Variants in MMP20 observed in about 807,000 individuals in gnomAD.
The protein encoded by MMP20 is matrix metalloproteinase-20.
A neutral mutation model predicts 51.8 loss-of-function variants in MMP20; 50 were observed. The observed-to-expected ratio is 0.97, with a 90% CI of 0.77 to 1.22. The LOEUF (loss-of-function observed/expected upper bound fraction) is 1.22. MMP20 is among the 50% of genes most tolerant of loss of function. The pLI, the probability that MMP20 is intolerant of heterozygous loss-of-function variation, is 0.00. For synonymous variants in MMP20, 244 were observed against 216.2 expected, an observed-to-expected ratio of 1.13 and a Z score of -1.13; for missense variants, 663 against 601.4, an observed-to-expected ratio of 1.10 and a Z score of -1.07.
chr11:102,617,984 C>T (rs1449765561), intron 1 of MMP20, among the ~76,000 whole-genome samples: 7 of 152,272 alleles, frequency 4.6e-5, no homozygotes, highest in African/African-American at 1.7e-4. Flanking sequence ...ATACCTAAAT[C>T]CACAGATGCT....
At chr11:102,585,524 A>G (rs898481158) in intron 8 of MMP20, among the ~76,000 whole-genome samples, 1 of 152,166 alleles carries the variant, frequency 6.6e-6, no homozygotes, top group Non-Finnish European at 1.5e-5. Context: ...GGGTTTTTCT[A>G]TATAAAAGAT....
chr11:102,621,243 T>A (rs1859747190), intron 1 of MMP20, among the ~76,000 whole-genome samples: 1 of 152,230 alleles, frequency 6.6e-6, no homozygotes, highest in Non-Finnish European at 1.5e-5. Flanking sequence ...GCTACATGGC[T>A]GTGATAACAA....
In MMP20 at chr11:102,608,852, T is replaced by C. The variant is rs1340109093; in HGVS notation, c.811+85A>G. On this transcript the variant is annotated intron_variant, in intron 5 of 9. Transcript: ENST00000260228. ...TGGTTTCTAGATTGATCTTTACCAA[T>C]GCAGATAAAATGCACTTTCTTTAAT... The C allele has an allele frequency of 2.9e-6, 4 of 1,376,478 alleles. No homozygotes were observed. The African/African-American group carries it at 4.3e-5, about 15-fold the overall frequency. 85.3% of individuals were successfully genotyped at this position (1,376,478 alleles called of 1,614,324 possible). A position where few individuals can be genotyped will look rare whatever the true frequency, so the allele number is the denominator to read the frequency against.
chr11:102,614,234 AT>A (rs890834714), intron 2 of MMP20, among the ~76,000 whole-genome samples: 1 of 151,876 alleles, frequency 6.6e-6, no homozygotes, highest in Admixed American at 6.6e-5. Context: ...ACTATGCTGT[AT>A]TTTTTTTCCT....
At chr11:102,597,369 C>T (rs980995797) in intron 6 of MMP20, among the ~76,000 whole-genome samples, 2 of 152,222 alleles carry the variant, frequency 1.3e-5, no homozygotes, top group African/African-American at 4.8e-5. Flanking sequence ...GAAAACTGTA[C>T]TCTTGAAACT....
At chr11:102,612,738 CTTTTTT>C (rs35861660) in intron 2 of MMP20, among the ~76,000 whole-genome samples, 27 of 127,198 alleles carry the variant, frequency 2.1e-4, no homozygotes, top group Non-Finnish European at 4.4e-4. Context: ...TCTTTTCTTT[CTTTTTT>C]TTTTTTTTTG....
At chr11:102,594,528 G>T in intron 7 of MMP20, 93 bp downstream of exon 7, 3 of 1,529,490 alleles carry the variant, frequency 2.0e-6, no homozygotes, top group Non-Finnish European at 2.7e-6. Context: ...TGTGCTCCAT[G>T]ATGACTGGAA....
intron 8 of MMP20, among the ~76,000 whole-genome samples, chr11:102,584,257 G>A (rs1196622280): frequency 1.3e-5 from 2 of 152,126 alleles, no homozygotes; most frequent in Non-Finnish European, 2.9e-5. Context: ...CAATGTATGA[G>A]GGTTCTGATT....
At chr11:102,622,759 T>C (rs1859766847) in intron 1 of MMP20, among the ~76,000 whole-genome samples, 1 of 152,206 alleles carries the variant, frequency 6.6e-6, no homozygotes, top group South Asian at 2.1e-4. Flanking sequence ...CTTGATTTGT[T>C]TGATTCTCTC....
In MMP20 at chr11:102,608,846, T is replaced by TA. The variant is rs1197669226; in HGVS notation, c.811+90dup. 5.2e-6 allele frequency: 7 copies of TA among 1,339,412 alleles called. No individual in the cohort carries two copies. The African/African-American group carries it at 1.0e-4, about 19-fold the overall frequency. 83.0% of individuals were successfully genotyped at this position (1,339,412 alleles called of 1,614,324 possible). On this transcript the variant is annotated intron_variant, in intron 5 of 9. Transcript: ENST00000260228. Reference sequence around the variant, plus strand: ...GGGTTATGGTTTCTAGATTGATCTTTACCAATGCAGATAAAATGCACTTTC... The same window carrying TA: ...GGGTTATGGTTTCTAGATTGATCTTTAACCAATGCAGATAAAATGCACTTTC...
intron 8 of MMP20, among the ~76,000 whole-genome samples, chr11:102,581,699 TG>T (rs1373043111): frequency 6.6e-6 from 1 of 152,210 alleles, no homozygotes; most frequent in Non-Finnish European, 1.5e-5. Flanking sequence ...GAGTGAATCA[TG>T]TAACCCCTCA....
chr11:102,608,326 G>A (rs1859545776), intron 5 of MMP20, among the ~76,000 whole-genome samples: 1 of 152,230 alleles, frequency 6.6e-6, no homozygotes, highest in African/African-American at 2.4e-5. Context: ...ATTGGATACA[G>A]AGTTTCTAAT....
intron 1 of MMP20, among the ~76,000 whole-genome samples, chr11:102,618,805 T>G (rs1419718776): frequency 6.6e-6 from 1 of 152,124 alleles, no homozygotes; most frequent in Non-Finnish European, 1.5e-5. Context: ...ATTCCAAAAG[T>G]TTTTACAATG....
intron 1 of MMP20, among the ~76,000 whole-genome samples, chr11:102,619,666 T>C (rs991670191): frequency 6.6e-6 from 1 of 152,214 alleles, no homozygotes; most frequent in Non-Finnish European, 1.5e-5. Flanking sequence ...ACACTAATCC[T>C]GGCCCTGAAT....
At chr11:102,609,884 T>C (rs1859573385) in intron 4 of MMP20, 21 bp downstream of exon 4, 1 of 1,614,058 alleles carries the variant, frequency 6.2e-7, no homozygotes, top group African/African-American at 1.3e-5. Context: ...TTCCAGGTTA[T>C]GGTGAATTGT....
chr11:102,594,203 G>T (rs1161210269), intron 7 of MMP20, among the ~76,000 whole-genome samples: 1 of 152,184 alleles, frequency 6.6e-6, no homozygotes, highest in East Asian at 1.9e-4. Flanking sequence ...GAAGTCAAAG[G>T]CGTCCTCCTC....
At chr11:102,606,911 G>T (rs1342323170) in intron 5 of MMP20, 1 of 527,416 alleles carries the variant, frequency 1.9e-6, no homozygotes, top group Non-Finnish European at 3.4e-6. Context: ...AAAAGGGAGG[G>T]ATAATAATAG....
Position 102,578,527 on chromosome 11 carries a change from A to G in MMP20, c.1351+512T>C, listed in dbSNP as rs150074438. Reference sequence around the variant, plus strand: ...GACTAATCGATTGAAGCTATACTTTAAAAACTTTCCATTAGGTGGCCAACA... The same window carrying G: ...GACTAATCGATTGAAGCTATACTTTGAAAACTTTCCATTAGGTGGCCAACA... On this transcript the variant is annotated intron_variant, in intron 9 of 9. Transcript: ENST00000260228. 3.7e-3 allele frequency among the ~76,000 whole-genome samples: 568 copies of G among 152,280 alleles called. 6 individuals carry two copies. Among genetic ancestry groups the G allele is most frequent in the African/African-American group, 0.013 (535 of 41,572 alleles).
intron 6 of MMP20, among the ~76,000 whole-genome samples, chr11:102,595,083 C>T (rs1176935816): frequency 2.0e-5 from 3 of 151,904 alleles, no homozygotes; most frequent in Non-Finnish European, 4.4e-5. Flanking sequence ...CACCATGCCT[C>T]ACTAATTTTT....
Sources: allele counts gnomAD v4.1 joint callset (sites outside exome capture counted in the v4.1 genomes callset), GRCh38; gene constraint gnomAD v4.1.1; transcripts MANE v1.5; gene names NCBI Gene and HGNC (gene_info 2026-07-23, HGNC 2026-07-21).